The following NXPE2 variants were observed in gnomAD, a reference collection of about 807,000 sequenced individuals.
NXPE2 encodes the protein neurexophilin and PC-esterase domain family member 2.
NXPE2 carries 34 observed loss-of-function variants against 34.4 expected under a neutral mutation model. The observed-to-expected ratio is 0.99, with a 90% CI of 0.75 to 1.31. The LOEUF (loss-of-function observed/expected upper bound fraction) is 1.31. Ranked by LOEUF, NXPE2 falls within the 40% of genes most tolerant of loss-of-function variation. NXPE2 has a pLI of 0.00. For missense variants in NXPE2, 649 were observed against 672.5 expected (o/e 0.97, Z 0.39); for synonymous variants, 235 against 231.3 (o/e 1.02, Z -0.15).
chr11:114,620,485 G>A, the NXPE2 span, among the ~76,000 whole-genome samples: 14 of 151,784 alleles, frequency 9.2e-5, no homozygotes, highest in African/African-American at 2.4e-4. Flanking sequence ...ACTGTTGCCC[G>A]GTGGATAATA....
At chr11:114,745,499 G>A in the NXPE2 span, among the ~76,000 whole-genome samples, 1 of 152,256 alleles carries the variant, frequency 6.6e-6, no homozygotes, top group South Asian at 2.1e-4. Flanking sequence ...CCTCCTGCCA[G>A]GCCCACCTCC....
chr11:114,680,406 G>C (rs78138778), intron 2 of NXPE2, among the ~76,000 whole-genome samples: 2,852 of 152,086 alleles, frequency 0.019, 87 homozygotes, highest in African/African-American at 0.065. Context: ...TTACCTCCAA[G>C]CTTCAAACAA....
At chr11:114,750,312 T>G in the NXPE2 span, among the ~76,000 whole-genome samples, 2 of 152,224 alleles carry the variant, frequency 1.3e-5, no homozygotes, top group East Asian at 3.8e-4. Context: ...CTGTCACATG[T>G]CTGCGGACAA....
the NXPE2 span, among the ~76,000 whole-genome samples, chr11:114,611,999 A>G: frequency 1.3e-5 from 2 of 151,576 alleles, no homozygotes; most frequent in Non-Finnish European, 2.9e-5. Context: ...CCAGTGGATA[A>G]TAAGTCATGC....
At chr11:114,758,768 T>C in the NXPE2 span, among the ~76,000 whole-genome samples, 2 of 149,302 alleles carry the variant, frequency 1.3e-5, no homozygotes, top group Admixed American at 1.3e-4. Context: ...TTATGTAATA[T>C]ATTTTCATAT....
the NXPE2 span, among the ~76,000 whole-genome samples, chr11:114,536,495 T>C: frequency 1.0e-3 from 153 of 152,188 alleles, no homozygotes; most frequent in African/African-American, 2.9e-3. Context: ...ATCCAGGAGC[T>C]GGTTTTTTGA....
chr11:114,743,411 A>C, the NXPE2 span, among the ~76,000 whole-genome samples: 75 of 151,902 alleles, frequency 4.9e-4, no homozygotes, highest in South Asian at 1.7e-3. Flanking sequence ...CTTTTTATAT[A>C]ATATGACACA....
At chr11:114,549,092 G>A in the NXPE2 span, among the ~76,000 whole-genome samples, 4 of 151,800 alleles carry the variant, frequency 2.6e-5, no homozygotes, top group South Asian at 8.3e-4. Context: ...AAATTGACCT[G>A]AGTGACATTA....
At chr11:114,644,371 G>A in the NXPE2 span, among the ~76,000 whole-genome samples, 1 of 152,228 alleles carries the variant, frequency 6.6e-6, no homozygotes, top group African/African-American at 2.4e-5. Context: ...TGCCCATTCA[G>A]TATGATATTG....
At chr11:114,632,137 A>G in the NXPE2 span, among the ~76,000 whole-genome samples, 1 of 143,906 alleles carries the variant, frequency 6.9e-6, no homozygotes, top group South Asian at 2.1e-4. Context: ...AAAATATATT[A>G]TAATTTATTA....
chr11:114,617,365 G>T, the NXPE2 span, among the ~76,000 whole-genome samples: 1 of 152,032 alleles, frequency 6.6e-6, no homozygotes, highest in African/African-American at 2.4e-5. Flanking sequence ...TTACGTCATT[G>T]GTAACCACTG....
chr11:114,522,788 A>G, the NXPE2 span: 1 of 926,794 alleles, frequency 1.1e-6, no homozygotes, highest in Non-Finnish European at 1.7e-6. Context: ...GAAGTAAAAA[A>G]CAAAATAGCT....
the NXPE2 span, among the ~76,000 whole-genome samples, chr11:114,579,561 T>G: frequency 6.6e-6 from 1 of 152,226 alleles, no homozygotes; most frequent in East Asian, 1.9e-4. Context: ...ATCTGTTCTC[T>G]TAGGTAATGA....
At chr11:114,633,456 C>CT in the NXPE2 span, among the ~76,000 whole-genome samples, 2 of 143,456 alleles carry the variant, frequency 1.4e-5, no homozygotes, top group Admixed American at 7.2e-5. Flanking sequence ...TATATTTTTT[C>CT]TTTTTTTTAT....
At chr11:114,699,241 T>A (rs1283113086) in intron 3 of NXPE2, among the ~76,000 whole-genome samples, 2 of 152,186 alleles carry the variant, frequency 1.3e-5, no homozygotes, top group Admixed American at 6.5e-5. Flanking sequence ...CATTTCTGTC[T>A]ACCACCATTG....
chr11:114,529,965 T>C, the NXPE2 span: 1 of 523,402 alleles, frequency 1.9e-6, no homozygotes. Context: ...GAAGAACGGT[T>C]ATAGCAAAAC....
At chr11:114,635,750 T>C in the NXPE2 span, among the ~76,000 whole-genome samples, 1 of 152,112 alleles carries the variant, frequency 6.6e-6, no homozygotes, top group Non-Finnish European at 1.5e-5. Flanking sequence ...TGGTTCTGTT[T>C]ATATGCTGGA....
the NXPE2 span, among the ~76,000 whole-genome samples, chr11:114,770,314 C>T: frequency 1.8e-4 from 28 of 152,256 alleles, no homozygotes; most frequent in African/African-American, 6.0e-4. Context: ...GCCTTCCTAC[C>T]CCCTCCCCAT....
chr11:114,794,357 A>G, the NXPE2 span, among the ~76,000 whole-genome samples: 1 of 152,130 alleles, frequency 6.6e-6, no homozygotes, highest in African/African-American at 2.4e-5. Flanking sequence ...GATTCAGCTT[A>G]GTGTGGCCTC....
Sources: gnomAD v4.1 joint callset for allele counts (sites outside exome capture counted in the v4.1 genomes callset) on GRCh38, gnomAD v4.1.1 for gene constraint, MANE v1.5 for transcripts, NCBI Gene and HGNC (gene_info 2026-07-23, HGNC 2026-07-21) for gene names.